Variants in VAV3 observed in about 807,000 individuals in gnomAD.
The protein encoded by VAV3 is guanine nucleotide exchange factor VAV3.
In VAV3, 94 loss-of-function variants were observed where a neutral mutation model predicts 131.2. That is an observed-to-expected ratio of 0.72 (90% CI 0.61 to 0.85). VAV3 has a LOEUF of 0.85. Ranked by LOEUF, VAV3 falls within the 40% of genes least tolerant of loss-of-function variation. The probability of loss-of-function intolerance (pLI) is 0.00; values close to 1 mark genes in which losing one functional copy is unlikely to be tolerated. For missense variants in VAV3, 939 were observed against 1,002.7 expected, an observed-to-expected ratio of 0.94 and a Z score of 0.86; for synonymous variants, 349 against 342.0, an observed-to-expected ratio of 1.02 and a Z score of -0.22.
At chr1:107,857,603 C>T (rs1267301790) in intron 2 of VAV3, among the ~76,000 whole-genome samples, 1 of 152,076 alleles carries the variant, frequency 6.6e-6, no homozygotes, top group African/African-American at 2.4e-5. Context: ...GTTTCACTGC[C>T]GTAGACCTTC....
intron 1 of VAV3, among the ~76,000 whole-genome samples, chr1:107,930,658 TA>T (rs1238860463): frequency 1.3e-5 from 2 of 152,182 alleles, no homozygotes; most frequent in Non-Finnish European, 2.9e-5. Flanking sequence ...TTGCAAGTCC[TA>T]AAAAATTGTT....
intron 22 of VAV3, among the ~76,000 whole-genome samples, chr1:107,606,921 T>A (rs1021872111): frequency 2.0e-5 from 3 of 149,070 alleles, no homozygotes; most frequent in Non-Finnish European, 4.4e-5. Context: ...TCTGTGTGTG[T>A]GAGCACCAAA....
chr1:107,804,669 T>C (rs1198365734), intron 2 of VAV3, among the ~76,000 whole-genome samples: 1 of 152,222 alleles, frequency 6.6e-6, no homozygotes, highest in Non-Finnish European at 1.5e-5. Context: ...GTTATGAGTG[T>C]ATTGTACATC....
At chr1:107,831,441 A>C (rs1309260727) in intron 2 of VAV3, among the ~76,000 whole-genome samples, 1 of 152,218 alleles carries the variant, frequency 6.6e-6, no homozygotes, top group Non-Finnish European at 1.5e-5. Context: ...AATTCAAATA[A>C]GTAGAAATTT....
At chr1:107,705,096 G>T (rs1431266374) in intron 15 of VAV3, 35 bp from the exon 16 acceptor site, 2 of 1,520,632 alleles carry the variant, frequency 1.3e-6, no homozygotes, top group African/African-American at 1.4e-5. Flanking sequence ...TCTATAGAAA[G>T]TTTCACAACA....
rs1655365502 is a variant in VAV3 at position 107,641,858 on chromosome 1, G to T, written c.1914+761C>A. On this transcript the variant is annotated intron_variant, in intron 20 of 26. Coordinates refer to ENST00000370056, the MANE Select transcript of VAV3 (RefSeq NM_006113.5). ...AATTTTTAATAAAAATGATAATTAT[G>T]ACCCCACAGCACTGATAGTATTTTT... 2.6e-5 allele frequency among the ~76,000 whole-genome samples: 4 copies of T among 152,076 alleles called. No homozygotes were observed. The South Asian group carries it at 8.3e-4, about 31-fold the overall frequency.
chr1:107,753,402 T>C (rs1251208239), intron 12 of VAV3, among the ~76,000 whole-genome samples: 1 of 151,426 alleles, frequency 6.6e-6, no homozygotes. Flanking sequence ...TGAATGCACT[T>C]CTAATTTGAA....
intron 9 of VAV3, among the ~76,000 whole-genome samples, chr1:107,762,529 C>G (rs1334250962): frequency 1.3e-5 from 2 of 152,114 alleles, no homozygotes; most frequent in Non-Finnish European, 2.9e-5. Flanking sequence ...GGGTCTCAAA[C>G]AGAAAGTTAC....
intron 1 of VAV3, among the ~76,000 whole-genome samples, chr1:107,877,948 T>C (rs1016574616): frequency 3.3e-5 from 5 of 152,130 alleles, no homozygotes; most frequent in South Asian, 2.1e-4. Context: ...AGCTGAGGAA[T>C]AGAGGAAGTG....
chr1:107,761,155 C>T (rs922632927), intron 9 of VAV3, among the ~76,000 whole-genome samples: 2 of 151,946 alleles, frequency 1.3e-5, no homozygotes, highest in South Asian at 2.1e-4. Flanking sequence ...TTTGGGAGGC[C>T]GAGGCGGGCA....
intron 24 of VAV3, among the ~76,000 whole-genome samples, chr1:107,597,143 A>G (rs532796351): frequency 1.2e-4 from 18 of 152,176 alleles, no homozygotes; most frequent in African/African-American, 4.1e-4. Flanking sequence ...TCTTATAAAT[A>G]TCTGAAATGA....
chr1:107,959,793 T>A (rs984415123), intron 1 of VAV3, among the ~76,000 whole-genome samples: 4 of 152,182 alleles, frequency 2.6e-5, no homozygotes, highest in African/African-American at 4.8e-5. Context: ...GGCGTACCCA[T>A]CTAGATGTCT....
chr1:107,622,704 G>A (rs1228553956), intron 20 of VAV3, among the ~76,000 whole-genome samples: 1 of 152,220 alleles, frequency 6.6e-6, no homozygotes, highest in Admixed American at 6.5e-5. Flanking sequence ...CGATGGTGCT[G>A]TGGAGATTAC....
At chr1:107,754,827 A>G (rs1664005275) in intron 12 of VAV3, among the ~76,000 whole-genome samples, 1 of 152,050 alleles carries the variant, frequency 6.6e-6, no homozygotes, top group African/African-American at 2.4e-5. Flanking sequence ...TTTCCCCTAG[A>G]TCTTCGTGTG....
chr1:107,624,788 A>G (rs76254422), intron 20 of VAV3, among the ~76,000 whole-genome samples: 1 of 152,376 alleles, frequency 6.6e-6, no homozygotes, highest in East Asian at 1.9e-4. Context: ...TGCTTTAAAG[A>G]AAAGTTTATT....
intron 19 of VAV3, among the ~76,000 whole-genome samples, chr1:107,678,879 C>T (rs1184020790): frequency 1.3e-5 from 2 of 151,972 alleles, no homozygotes; most frequent in African/African-American, 4.8e-5. Flanking sequence ...GTTTTTAAGA[C>T]ACTGCTATAC....
At chr1:107,687,395 C>T (rs919790819) in intron 18 of VAV3, among the ~76,000 whole-genome samples, 28 of 152,218 alleles carry the variant, frequency 1.8e-4, no homozygotes, top group African/African-American at 5.3e-4. Context: ...ACTAATATCA[C>T]TTTTAAAGAG....
intron 25 of VAV3, among the ~76,000 whole-genome samples, chr1:107,581,334 G>A (rs1650036333): frequency 6.6e-6 from 1 of 152,122 alleles, no homozygotes; most frequent in South Asian, 2.1e-4. Context: ...ATGACACCTG[G>A]CTCTCAACTG....
rs1674938644 is a variant in VAV3, at chr1:107,958,786, AC to A, written c.204+5879del. 2.0e-5 allele frequency among the ~76,000 whole-genome samples: 3 copies of A among 151,756 alleles called. No individual in the cohort carries two copies. In the East Asian group the frequency reaches 5.8e-4, roughly 29 times the overall value. On this transcript the variant is annotated intron_variant, in intron 1 of 26. Transcript: ENST00000370056. The stretch of plus-strand genomic sequence containing the variant: ...ATGTTATCCCTCCCCTTGCCCTCCA[AC>A]CCCCGACAGGCCCCGGTGTGTGATG...
Sources: gnomAD v4.1 joint callset for allele counts (sites outside exome capture counted in the v4.1 genomes callset) on GRCh38, gnomAD v4.1.1 for gene constraint, MANE v1.5 for transcripts, NCBI Gene and HGNC (gene_info 2026-07-23, HGNC 2026-07-21) for gene names.